APBB2: variants seen among roughly 807,000 people sequenced by gnomAD.
APBB2 encodes the protein Fe65-like 1.
APBB2 carries 38 observed loss-of-function variants against 82.5 expected under a neutral mutation model. The observed-to-expected ratio is 0.46, with a 90% CI of 0.36 to 0.60. APBB2 has a LOEUF of 0.60. Among genes scored for constraint, APBB2 ranks in the 20% least tolerant of loss-of-function variants. The probability of loss-of-function intolerance (pLI) is 0.00; values close to 1 mark genes in which losing one functional copy is unlikely to be tolerated. For missense variants in APBB2, 772 were observed against 972.3 expected (o/e 0.79, Z 2.74); for synonymous variants, 341 against 368.2 (o/e 0.93, Z 0.85).
At chr4:41,197,394 T>C in intron 1 of APBB2, among the ~76,000 whole-genome samples, 1 of 152,178 alleles carries the variant, frequency 6.6e-6, no homozygotes, top group Non-Finnish European at 1.5e-5. Context: ...ATAACACTAA[T>C]AAAAGCCAGT....
At chr4:41,198,572 C>T in intron 1 of APBB2, among the ~76,000 whole-genome samples, 2 of 152,084 alleles carry the variant, frequency 1.3e-5, no homozygotes, top group African/African-American at 4.8e-5. Context: ...GTAACTTGCC[C>T]AAGATCACAG....
chr4:40,975,588 A>G (rs1416944490), intron 6 of APBB2, among the ~76,000 whole-genome samples: 1 of 152,128 alleles, frequency 6.6e-6, no homozygotes, highest in African/African-American at 2.4e-5. Context: ...CTCTTCTAAC[A>G]TTTATGAGTC....
chr4:41,166,096 A>G (rs376579266), intron 1 of APBB2, among the ~76,000 whole-genome samples: 3 of 150,356 alleles, frequency 2.0e-5, no homozygotes, highest in Admixed American at 1.3e-4. Context: ...GGATGGTCTC[A>G]ATCTCCTGAC....
At chr4:41,018,044 T>C (rs115040443) in intron 5 of APBB2, among the ~76,000 whole-genome samples, 3,385 of 152,250 alleles carry the variant, frequency 0.022, 130 homozygotes, top group African/African-American at 0.078. Flanking sequence ...GAAATTATAA[T>C]AGTATCTACA....
chr4:41,187,890 A>G (rs970301140), intron 1 of APBB2, among the ~76,000 whole-genome samples: 3 of 152,238 alleles, frequency 2.0e-5, no homozygotes, highest in Non-Finnish European at 4.4e-5. Context: ...ATGTATGTAT[A>G]TATGTGTATA....
At chr4:41,171,358 T>C (rs1039712553) in intron 1 of APBB2, among the ~76,000 whole-genome samples, 1 of 149,902 alleles carries the variant, frequency 6.7e-6, no homozygotes, top group Non-Finnish European at 1.5e-5. Flanking sequence ...CACCTGTAAA[T>C]TGTTTTGTTC....
intron 1 of APBB2, among the ~76,000 whole-genome samples, chr4:41,158,818 C>T (rs558855476): frequency 5.4e-4 from 82 of 152,260 alleles, no homozygotes; most frequent in Non-Finnish European, 8.7e-4. Context: ...ACCCATCTGT[C>T]CCGTTTCTCA....
chr4:41,023,877 A>C (rs1227477627), intron 5 of APBB2, among the ~76,000 whole-genome samples: 1 of 152,242 alleles, frequency 6.6e-6, no homozygotes, highest in Non-Finnish European at 1.5e-5. Flanking sequence ...AGCCAAGGCA[A>C]GCCCAAGCAA....
chr4:41,096,323 C>G (rs1560740172), intron 3 of APBB2, among the ~76,000 whole-genome samples: 1 of 152,222 alleles, frequency 6.6e-6, no homozygotes, highest in Non-Finnish European at 1.5e-5. Flanking sequence ...TAGCAAGTTA[C>G]TTTTCCCCCG....
Position 40,907,337 on chromosome 4 carries a change from TTA to T in APBB2, c.1255-13928_1255-13927del, listed in dbSNP as rs1220480754. On this transcript the variant is annotated intron_variant, in intron 10 of 17. Transcript: ENST00000508593. The stretch of plus-strand genomic sequence containing the variant: ...ACTGATATGCTTTATTTAATTTAAT[TTA>T]ATATATTACATATATATATATATAT... 2.5e-3 allele frequency among the ~76,000 whole-genome samples: 351 copies of T among 140,678 alleles called. 2 individuals are homozygous for T. The highest frequency in any genetic ancestry group is 5.7e-3 in the African/African-American group (220 of 38,448). The allele number at this position is 140,678 out of a possible 152,430, so 92.3% of individuals were successfully genotyped here. A position where few individuals can be genotyped will look rare whatever the true frequency, so the allele number is the denominator to read the frequency against.
At chr4:40,923,510 C>A (rs1173748093) in intron 10 of APBB2, among the ~76,000 whole-genome samples, 9 of 152,196 alleles carry the variant, frequency 5.9e-5, no homozygotes, top group African/African-American at 1.4e-4. Context: ...CTACTCCTGC[C>A]CGAGGCTGTT....
intron 6 of APBB2, among the ~76,000 whole-genome samples, chr4:40,951,549 A>G (rs2154384165): frequency 6.6e-6 from 1 of 152,368 alleles, no homozygotes; most frequent in Admixed American, 6.5e-5. Flanking sequence ...TGAAGTGTCA[A>G]TGCGGTAGGG....
intron 1 of APBB2, among the ~76,000 whole-genome samples, chr4:41,200,473 A>T (rs1561020971): frequency 6.6e-6 from 1 of 152,206 alleles, no homozygotes; most frequent in Non-Finnish European, 1.5e-5. Context: ...CTAGTACACC[A>T]CATTAAAATG....
intron 3 of APBB2, among the ~76,000 whole-genome samples, chr4:41,069,248 T>C (rs1044193759): frequency 1.3e-5 from 2 of 152,222 alleles, no homozygotes; most frequent in Admixed American, 6.5e-5. Context: ...CCACTGAGAC[T>C]TCCTAGCTGC....
chr4:41,171,298 G>A (rs946553803), intron 1 of APBB2, among the ~76,000 whole-genome samples: 2 of 152,184 alleles, frequency 1.3e-5, no homozygotes, highest in Admixed American at 1.3e-4. Context: ...TAGTGATACA[G>A]AGCTACTTGC....
intron 12 of APBB2, among the ~76,000 whole-genome samples, chr4:40,850,342 CA>C (rs1758940497): frequency 6.6e-6 from 1 of 152,222 alleles, no homozygotes; most frequent in South Asian, 2.1e-4. Flanking sequence ...ACAACTATAA[CA>C]AGTATGTCAT....
chr4:41,150,366 C>T (rs890271938), intron 1 of APBB2, among the ~76,000 whole-genome samples: 3 of 152,098 alleles, frequency 2.0e-5, no homozygotes, highest in East Asian at 3.8e-4. Context: ...GGCATGCTTC[C>T]GGTCTCAGGG....
intron 4 of APBB2, among the ~76,000 whole-genome samples, chr4:41,033,584 T>TCACACACACA (rs71915197): frequency 0.089 from 11,634 of 130,548 alleles, 614 homozygotes; most frequent in East Asian, 0.12. Flanking sequence ...CTTTTTCTCA[T>TCACACACACA]CACACACACA....
chr4:41,177,285 T>G (rs1770086421), intron 1 of APBB2, among the ~76,000 whole-genome samples: 1 of 152,184 alleles, frequency 6.6e-6, no homozygotes, highest in South Asian at 2.1e-4. Flanking sequence ...CTACCACAGT[T>G]AACAGCTCTG....
Sources: allele counts gnomAD v4.1 joint callset (sites outside exome capture counted in the v4.1 genomes callset), GRCh38; gene constraint gnomAD v4.1.1; transcripts MANE v1.5; gene names NCBI Gene and HGNC (gene_info 2026-07-23, HGNC 2026-07-21).